The following SNX29 variants were observed in gnomAD, a reference collection of about 807,000 sequenced individuals.
The protein encoded by SNX29 is sorting nexin 29, also known as sorting nexin-29.
A neutral mutation model predicts 102.1 loss-of-function variants in SNX29; 78 were observed. The observed-to-expected ratio is 0.76, with a 90% CI of 0.64 to 0.92. The LOEUF is 0.92. Ranked by LOEUF, SNX29 falls within the 40% of genes least tolerant of loss-of-function variation. The pLI, the probability that SNX29 is intolerant of heterozygous loss-of-function variation, is 0.00. For missense variants in SNX29, 1,280 were observed against 1,061.7 expected (o/e 1.21, Z -2.86); for synonymous variants, 580 against 414.5 (o/e 1.40, Z -4.85).
intron 3 of SNX29, among the ~76,000 whole-genome samples, chr16:12,016,204 G>A (rs1274885362): frequency 2.6e-5 from 4 of 152,184 alleles, no homozygotes; most frequent in African/African-American, 9.7e-5. Context: ...TGCATTGCAT[G>A]TTGCAGATGT....
chr16:12,352,572 T>C (rs959862504), intron 15 of SNX29, among the ~76,000 whole-genome samples: 2 of 152,258 alleles, frequency 1.3e-5, no homozygotes, highest in African/African-American at 4.8e-5. Flanking sequence ...TTCTTGAATC[T>C]TCTACCTTCT....
chr16:12,400,661 G>A (rs1338830263), intron 17 of SNX29, among the ~76,000 whole-genome samples: 2 of 152,152 alleles, frequency 1.3e-5, no homozygotes, highest in African/African-American at 2.4e-5. Context: ...GTGTTCCTTT[G>A]TGGCACTTAC....
intron 3 of SNX29, among the ~76,000 whole-genome samples, chr16:12,024,963 T>C (rs1330339105): frequency 1.3e-5 from 2 of 152,084 alleles, no homozygotes. Flanking sequence ...CTGTGGTATT[T>C]AGAGAGTTTT....
At chr16:12,154,327 G>A (rs1429349082) in intron 13 of SNX29, among the ~76,000 whole-genome samples, 1 of 148,378 alleles carries the variant, frequency 6.7e-6, no homozygotes, top group East Asian at 2.0e-4. Context: ...TTCTAGGGCA[G>A]GCTGTCCCCC....
chr16:12,196,113 C>T (rs139005114), intron 13 of SNX29, among the ~76,000 whole-genome samples: 5 of 150,984 alleles, frequency 3.3e-5, no homozygotes, highest in African/African-American at 7.3e-5. Context: ...GTAGATGGGA[C>T]AACAGGTGCA....
chr16:12,310,043 CAT>C (rs5815681), intron 15 of SNX29, among the ~76,000 whole-genome samples: 5 of 151,834 alleles, frequency 3.3e-5, no homozygotes, highest in African/African-American at 7.3e-5. Flanking sequence ...TGTGTGCACA[CAT>C]ATGTACACAC....
intron 15 of SNX29, among the ~76,000 whole-genome samples, chr16:12,312,971 T>C (rs1455263581): frequency 6.6e-6 from 1 of 151,746 alleles, no homozygotes; most frequent in Non-Finnish European, 1.5e-5. Context: ...TTTTCAGGTC[T>C]AGCATTGTCA....
At chr16:12,247,055 T>C (rs1257728614) in intron 14 of SNX29, among the ~76,000 whole-genome samples, 3 of 152,144 alleles carry the variant, frequency 2.0e-5, no homozygotes, top group Admixed American at 2.0e-4. Context: ...GTTTGATCTT[T>C]ATCCTAAGAA....
rs956839127 is a variant in SNX29 at position 12,574,253 on chromosome 16, A to C, written c.*5624A>C. 5 of 175,850 alleles carry C rather than the reference A, an allele frequency of 2.8e-5. No homozygotes were observed. Among genetic ancestry groups the C allele is most frequent in the African/African-American group, 7.1e-5 (3 of 42,176 alleles). 10.9% of individuals were successfully genotyped at this position (175,850 alleles called of 1,614,324 possible). Reference sequence around the variant, plus strand: ...GAGATCAACCTCTTTACAATGACACAAATTGTGACATTTTATAAATTAGAT... The same window carrying C: ...GAGATCAACCTCTTTACAATGACACCAATTGTGACATTTTATAAATTAGAT... On this transcript the variant is annotated 3_prime_UTR_variant, in exon 21 of 21. Transcript: ENST00000566228.
chr16:12,530,212 G>A (rs933258051), intron 20 of SNX29, among the ~76,000 whole-genome samples: 5 of 152,198 alleles, frequency 3.3e-5, no homozygotes, highest in African/African-American at 1.2e-4. Context: ...ATAGTCTTTG[G>A]CTCTTCCACT....
intron 20 of SNX29, among the ~76,000 whole-genome samples, chr16:12,564,225 T>TG (rs1271084447): frequency 4.6e-5 from 7 of 151,796 alleles, no homozygotes; most frequent in African/African-American, 1.7e-4. Context: ...CCCACATCTC[T>TG]AAGAGAAAAA....
At chr16:12,112,742 T>G (rs1396315771) in intron 11 of SNX29, among the ~76,000 whole-genome samples, 2 of 152,210 alleles carry the variant, frequency 1.3e-5, no homozygotes, top group Non-Finnish European at 2.9e-5. Context: ...TTGTTCAGTT[T>G]CCAGTTATAT....
At chr16:12,257,499 G>A (rs1267188191) in intron 14 of SNX29, among the ~76,000 whole-genome samples, 1 of 96,500 alleles carries the variant, frequency 1.0e-5, no homozygotes, top group Non-Finnish European at 2.1e-5. Flanking sequence ...CCTACCACTA[G>A]CATCTCTCTC....
At chr16:12,186,979 C>G (rs709419) in intron 13 of SNX29, among the ~76,000 whole-genome samples, 86,079 of 152,166 alleles carry the variant, frequency 0.57, 29,025 homozygotes, top group Non-Finnish European at 0.73. Context: ...TGGCTCACAG[C>G]TGTGTTTTGT....
intron 14 of SNX29, among the ~76,000 whole-genome samples, chr16:12,230,736 A>G (rs1567336769): frequency 6.6e-6 from 1 of 152,218 alleles, no homozygotes; most frequent in Non-Finnish European, 1.5e-5. Context: ...ATACTGTGCC[A>G]TCACCTAGAA....
chr16:12,078,808 C>T (rs1762855543), intron 10 of SNX29, 25 bp from the exon 11 acceptor site: 2 of 1,580,120 alleles, frequency 1.3e-6, no homozygotes, highest in African/African-American at 2.7e-5. Context: ...CCGAGTGTAA[C>T]TTCCTCCTGC....
chr16:12,131,386 C>T (rs1379039594), intron 13 of SNX29, among the ~76,000 whole-genome samples: 1 of 152,212 alleles, frequency 6.6e-6, no homozygotes, highest in African/African-American at 2.4e-5. Flanking sequence ...TGTTCATATA[C>T]TAACATTTTT....
intron 15 of SNX29, among the ~76,000 whole-genome samples, chr16:12,308,409 G>A (rs1047910818): frequency 2.6e-5 from 4 of 152,172 alleles, no homozygotes; most frequent in Non-Finnish European, 5.9e-5. Flanking sequence ...CTTCTGCAGG[G>A]ATCAACCTCT....
chr16:12,455,903 C>A (rs1306188065), intron 18 of SNX29, among the ~76,000 whole-genome samples: 1 of 152,152 alleles, frequency 6.6e-6, no homozygotes, highest in Non-Finnish European at 1.5e-5. Context: ...ACCTACCCAC[C>A]CATCTAGCAC....
Sources: allele counts gnomAD v4.1 joint callset (sites outside exome capture counted in the v4.1 genomes callset), GRCh38; gene constraint gnomAD v4.1.1; transcripts MANE v1.5; gene names NCBI Gene and HGNC (gene_info 2026-07-23, HGNC 2026-07-21).